The following SPIDR variants were observed in gnomAD, a reference collection of about 807,000 sequenced individuals.
SPIDR encodes the protein scaffold protein involved in DNA repair, also known as DNA repair-scaffolding protein.
SPIDR carries 93 observed loss-of-function variants against 104.6 expected under a neutral mutation model. The ratio of observed to expected loss-of-function variants is 0.89; its 90% CI spans 0.75 to 1.06. The LOEUF (loss-of-function observed/expected upper bound fraction) is 1.06. SPIDR is among the 50% of genes least tolerant of loss of function. The pLI is 0.00. For missense variants in SPIDR, 1,154 were observed against 1,111.2 expected (o/e 1.04, Z -0.55); for synonymous variants, 431 against 416.9 (o/e 1.03, Z -0.41).
At chr8:47,272,001 GTCTC>G (rs1409362885) in intron 1 of SPIDR, among the ~76,000 whole-genome samples, 3 of 151,672 alleles carry the variant, frequency 2.0e-5, no homozygotes, top group Non-Finnish European at 4.4e-5. Flanking sequence ...TTGAGATGGA[GTCTC>G]TCTCTGTTGC....
At chr8:47,271,780 G>A (rs2035373353) in intron 1 of SPIDR, among the ~76,000 whole-genome samples, 2 of 151,688 alleles carry the variant, frequency 1.3e-5, no homozygotes, top group African/African-American at 2.4e-5. Flanking sequence ...GTTTCTTCAT[G>A]TGTGTTATAA....
At chr8:47,618,653 A>G (rs1258206215) in intron 10 of SPIDR, among the ~76,000 whole-genome samples, 1 of 152,230 alleles carries the variant, frequency 6.6e-6, no homozygotes, top group East Asian at 1.9e-4. Context: ...ATTGTTTTAT[A>G]TAATTAAAAT....
At chr8:47,680,830 G>GGGCTC (rs1179989818) in intron 11 of SPIDR, among the ~76,000 whole-genome samples, 2 of 152,218 alleles carry the variant, frequency 1.3e-5, no homozygotes, top group Non-Finnish European at 2.9e-5. Context: ...GTGCTGGGCT[G>GGGCTC]GGCTCAATGG....
chr8:47,704,372 A>G (rs2080770202), intron 14 of SPIDR, among the ~76,000 whole-genome samples: 1 of 152,230 alleles, frequency 6.6e-6, no homozygotes, highest in South Asian at 2.1e-4. Flanking sequence ...GAGAAGACCA[A>G]GGCTAGGCCT....
At chr8:47,449,605 C>A (rs1349061259) in intron 8 of SPIDR, among the ~76,000 whole-genome samples, 1 of 152,084 alleles carries the variant, frequency 6.6e-6, no homozygotes, top group East Asian at 1.9e-4. Flanking sequence ...TCTGTTGGGA[C>A]AACAAGGAAT....
At chr8:47,277,304 ATGTT>A (rs1432637139) in intron 1 of SPIDR, among the ~76,000 whole-genome samples, 5 of 148,086 alleles carry the variant, frequency 3.4e-5, no homozygotes, top group African/African-American at 1.3e-4. Context: ...ATTTTAATTT[ATGTT>A]ATGTTTGTTA....
intron 5 of SPIDR, among the ~76,000 whole-genome samples, chr8:47,346,424 C>T (rs1267242625): frequency 6.6e-6 from 1 of 152,086 alleles, no homozygotes; most frequent in African/African-American, 2.4e-5. Flanking sequence ...TGGTCTAAAA[C>T]TCTCTTTTTT....
intron 11 of SPIDR, among the ~76,000 whole-genome samples, chr8:47,685,477 T>TTTTATTTA (rs35880765): frequency 0.046 from 6,019 of 131,480 alleles, 384 homozygotes; most frequent in African/African-American, 0.13. Flanking sequence ...AGGTCAGTGG[T>TTTTATTTA]TTTATTTATT....
At position 47,660,423 on chromosome 8, in the gene SPIDR, C is replaced by T. The variant is rs377319743; in HGVS notation, c.1545-13378C>T. ...GGTTTCATCTGGCACCAGTTTTAAT[C>T]GGCTCTTCCAACATGGTCCAGGCCT... On this transcript the variant is annotated intron_variant, in intron 10 of 19. Transcript: ENST00000297423. 2.8e-3 allele frequency: 2,759 copies of T among 984,822 alleles called. 15 individuals are homozygous for T. The highest frequency in any genetic ancestry group is 0.027 in the South Asian group (564 of 21,270). The allele number at this position is 984,822 out of a possible 1,614,324, so 61.0% of individuals were successfully genotyped here.
At position 47,260,940 on chromosome 8, in the gene SPIDR, T is replaced by G. The variant is rs2031939983; in HGVS notation, c.-19T>G. The G allele has an allele frequency of 1.6e-6, 2 of 1,227,614 alleles. No individual in the cohort carries two copies. The highest frequency in any genetic ancestry group is 2.0e-6 in the Non-Finnish European group (2 of 985,188). The allele number at this position is 1,227,614 out of a possible 1,614,324, so 76.0% of individuals were successfully genotyped here. On this transcript the variant is annotated 5_prime_UTR_variant, in exon 1 of 20. Coordinates refer to ENST00000297423, the MANE Select transcript of SPIDR (RefSeq NM_001080394.4). ...GCGGCGCGCTGAGGAGGCGGTGCGC[T>G]CAGGCGGCGCTCCCGGAGATGCCCC...
At chr8:47,512,493 A>G (rs2082492275) in intron 8 of SPIDR, among the ~76,000 whole-genome samples, 1 of 152,212 alleles carries the variant, frequency 6.6e-6, no homozygotes, top group African/African-American at 2.4e-5. Flanking sequence ...GACATTGTGC[A>G]TTTTTAGAGC....
At chr8:47,603,205 T>A (rs944922704) in intron 10 of SPIDR, among the ~76,000 whole-genome samples, 1 of 151,448 alleles carries the variant, frequency 6.6e-6, no homozygotes, top group Non-Finnish European at 1.5e-5. Context: ...TAACTTATAA[T>A]GAAAACTGAG....
chr8:47,704,605 C>G (rs1359502642), intron 14 of SPIDR, among the ~76,000 whole-genome samples: 3 of 152,218 alleles, frequency 2.0e-5, no homozygotes, highest in Admixed American at 6.5e-5. Context: ...ATGTCCTTGT[C>G]TGTCAAATGG....
chr8:47,562,947 G>GT (rs2057263572), intron 8 of SPIDR, among the ~76,000 whole-genome samples: 1 of 151,352 alleles, frequency 6.6e-6, no homozygotes, highest in Admixed American at 6.6e-5. Context: ...TCTTAACTCT[G>GT]TTTTGATGTA....
Position 47,594,104 on chromosome 8 carries a change from A to G in SPIDR, c.1098-1707A>G, listed in dbSNP as rs568987162. On this transcript the variant is annotated intron_variant, in intron 8 of 19. Coordinates refer to ENST00000297423, the MANE Select transcript of SPIDR (RefSeq NM_001080394.4). ...TCCAGGCACGGTGGCTCACGCCTGTAATCCCAGCACTTTGGGAGGCCGAGG... is the reference window on the plus strand; with the variant it reads ...TCCAGGCACGGTGGCTCACGCCTGTGATCCCAGCACTTTGGGAGGCCGAGG... Among the ~76,000 whole-genome samples the G allele has an allele frequency of 6.1e-5, 9 of 147,762 alleles. No homozygotes were observed. In the South Asian group the frequency reaches 8.6e-4, roughly 14 times the overall value.
chr8:47,580,647 G>C (rs1469030800), intron 8 of SPIDR, among the ~76,000 whole-genome samples: 1 of 151,946 alleles, frequency 6.6e-6, no homozygotes, highest in Non-Finnish European at 1.5e-5. Context: ...GCCACCCAGC[G>C]TTTTTATTCT....
chr8:47,480,654 C>T (rs1432519894), intron 8 of SPIDR, among the ~76,000 whole-genome samples: 1 of 152,208 alleles, frequency 6.6e-6, no homozygotes, highest in African/African-American at 2.4e-5. Flanking sequence ...GGGATCGGCG[C>T]ACAGCCTGTG....
At chr8:47,565,971 CATAT>C (rs1170408396) in intron 8 of SPIDR, among the ~76,000 whole-genome samples, 461 of 41,432 alleles carry the variant, frequency 0.011, 15 homozygotes, top group African/African-American at 0.026. Flanking sequence ...TATTTATACT[CATAT>C]ATATATATAT....
chr8:47,267,410 T>C (rs545706347), intron 1 of SPIDR, among the ~76,000 whole-genome samples: 4 of 152,228 alleles, frequency 2.6e-5, no homozygotes, highest in Non-Finnish European at 5.9e-5. Context: ...ATAATAACTG[T>C]ATGTTTACAT....
Sources: allele counts gnomAD v4.1 joint callset (sites outside exome capture counted in the v4.1 genomes callset), GRCh38; gene constraint gnomAD v4.1.1; transcripts MANE v1.5; gene names NCBI Gene and HGNC (gene_info 2026-07-23, HGNC 2026-07-21).